The following PSMD11 variants were observed in gnomAD, a reference collection of about 807,000 sequenced individuals.
The protein encoded by PSMD11 is 26S proteasome non-ATPase regulatory subunit 11.
A neutral mutation model predicts 62.3 loss-of-function variants in PSMD11; 5 were observed. The observed-to-expected ratio is 0.08, with a 90% CI of 0.04 to 0.17. The LOEUF (loss-of-function observed/expected upper bound fraction) is 0.17. Among genes scored for constraint, PSMD11 ranks in the 10% least tolerant of loss-of-function variants. The pLI is 1.00. For missense variants in PSMD11, 310 were observed against 512.9 expected, an observed-to-expected ratio of 0.60 and a Z score of 3.82; for synonymous variants, 191 against 191.8, an observed-to-expected ratio of 1.00 and a Z score of 0.03.
chr17:32,446,240 AC>A (rs1292047640), intron 1 of PSMD11, among the ~76,000 whole-genome samples: 1 of 152,238 alleles, frequency 6.6e-6, no homozygotes, highest in African/African-American at 2.4e-5. Context: ...AGTGATGATC[AC>A]TACAAACTTG....
intron 2 of PSMD11, among the ~76,000 whole-genome samples, chr17:32,451,879 C>T (rs1315463705): frequency 6.6e-6 from 1 of 152,044 alleles, no homozygotes; most frequent in Admixed American, 6.6e-5. Flanking sequence ...ACTGGGACTA[C>T]AGGCCTTCAC....
chr17:32,454,679 A>G lies in PSMD11; in HGVS notation c.318+60A>G, dbSNP rs1907599634. 13 of 1,571,046 alleles carry G rather than the reference A, an allele frequency of 8.3e-6. No homozygotes were observed. The South Asian group carries it at 1.5e-4, about 18-fold the overall frequency. ...GGAGAAAAGTTTGTTTCCAAGAAAG[A>G]AATGCCTACCTGCACTTTAGTACTA... On this transcript the variant is annotated intron_variant, in intron 3 of 13. Coordinates refer to ENST00000261712, the MANE Select transcript of PSMD11 (RefSeq NM_002815.4).
intron 3 of PSMD11, among the ~76,000 whole-genome samples, chr17:32,459,914 A>G (rs1907773017): frequency 6.6e-6 from 1 of 152,156 alleles, no homozygotes; most frequent in African/African-American, 2.4e-5. Context: ...GGTGTGAGCC[A>G]CCACACCCGG....
At chr17:32,464,677 A>G (rs768834733) in intron 5 of PSMD11, 99 bp downstream of exon 5, 5 of 892,020 alleles carry the variant, frequency 5.6e-6, no homozygotes, top group Non-Finnish European at 8.3e-6. Flanking sequence ...TTTATATTCT[A>G]CTGACTTCTA....
At chr17:32,477,488 A>C (rs1284021882) in intron 8 of PSMD11, 33 bp from the exon 9 acceptor site, 6 of 1,566,612 alleles carry the variant, frequency 3.8e-6, no homozygotes, top group Non-Finnish European at 5.2e-6. Context: ...GTGCAGAATA[A>C]ATCGCTTTCA....
intron 6 of PSMD11, among the ~76,000 whole-genome samples, chr17:32,473,481 T>C (rs937157175): frequency 1.1e-4 from 17 of 151,994 alleles, no homozygotes; most frequent in Admixed American, 2.6e-4. Context: ...GATTTGTCCA[T>C]GTTGGTCAGT....
At chr17:32,473,989 A>T in intron 7 of PSMD11, 44 bp downstream of exon 7, 1 of 1,606,484 alleles carries the variant, frequency 6.2e-7, no homozygotes, top group Non-Finnish European at 8.5e-7. Context: ...CAGATCCTTC[A>T]GCAAGTCTGT....
intron 6 of PSMD11, among the ~76,000 whole-genome samples, chr17:32,469,854 C>A (rs1180419274): frequency 6.6e-6 from 1 of 151,970 alleles, no homozygotes; most frequent in Non-Finnish European, 1.5e-5. Flanking sequence ...ATCAGGCTTT[C>A]CTAGGTTGAC....
At chr17:32,450,931 G>T (rs895690066) in intron 2 of PSMD11, among the ~76,000 whole-genome samples, 1 of 151,306 alleles carries the variant, frequency 6.6e-6, no homozygotes, top group South Asian at 2.1e-4. Context: ...AGCAGCATGG[G>T]TAACATAAGG....
intron 3 of PSMD11, among the ~76,000 whole-genome samples, chr17:32,463,829 T>TA (rs575287813): frequency 2.2e-3 from 339 of 152,272 alleles, no homozygotes; most frequent in African/African-American, 7.2e-3. Flanking sequence ...GCTCTTTTCC[T>TA]AAAAAACATA....
chr17:32,473,324 TG>T (rs1908225986), intron 6 of PSMD11, among the ~76,000 whole-genome samples: 1 of 150,292 alleles, frequency 6.7e-6, no homozygotes, highest in Non-Finnish European at 1.5e-5. Flanking sequence ...TTGCCCAGGC[TG>T]GAGTGCAGTG....
intron 7 of PSMD11, 118 bp downstream of exon 7, chr17:32,474,063 G>A: frequency 3.2e-6 from 4 of 1,266,844 alleles, no homozygotes; most frequent in Non-Finnish European, 3.3e-6. Flanking sequence ...AGCAGCTGCG[G>A]CCTCTAGGGC....
chr17:32,454,458 G>T, intron 2 of PSMD11, 37 bp from the exon 3 acceptor site: 1 of 1,605,958 alleles, frequency 6.2e-7, no homozygotes, highest in Non-Finnish European at 8.5e-7. Context: ...CTCAAATGTT[G>T]ATGTTTACTC....
chr17:32,470,524 C>G (rs929819242), intron 6 of PSMD11, among the ~76,000 whole-genome samples: 1 of 152,126 alleles, frequency 6.6e-6, no homozygotes, highest in African/African-American at 2.4e-5. Context: ...GTTGGCCAGG[C>G]TGGCTGCACG....
Position 32,480,853 on chromosome 17 carries a change from C to A in PSMD11, c.*101C>A, listed in dbSNP as rs1253716362. The A allele has an allele frequency of 2.1e-6, 1 of 485,704 alleles. No homozygotes were observed. Among genetic ancestry groups the A allele is most frequent in the Non-Finnish European group, 3.5e-6 (1 of 288,782 alleles). 30.1% of individuals were successfully genotyped at this position (485,704 alleles called of 1,614,324 possible). On this transcript the variant is annotated 3_prime_UTR_variant, in exon 14 of 14. Coordinates refer to ENST00000261712, the MANE Select transcript of PSMD11 (RefSeq NM_002815.4). ...TCTTTTTTCTTTTTGTTCTACTTTT[C>A]GCTCGGAAAGTTTTTAAATCCTCAT... is the stretch of plus-strand genomic sequence containing the variant.
chr17:32,447,221 T>A (rs1907357610), intron 2 of PSMD11, 175 bp downstream of exon 2: 1 of 510,456 alleles, frequency 2.0e-6, no homozygotes, highest in South Asian at 2.8e-5. Flanking sequence ...ACTTCTTTCC[T>A]GGTAGTTTAG....
chr17:32,481,039 C>T lies in PSMD11; in HGVS notation c.*287C>T, dbSNP rs1227721758. 6.4e-6 allele frequency: 1 copy of T among 155,236 alleles called. No individual in the cohort carries two copies. The allele number at this position is 155,236 out of a possible 1,614,324, so 9.6% of individuals were successfully genotyped here. A position where few individuals can be genotyped will look rare whatever the true frequency, so the allele number is the denominator to read the frequency against. On this transcript the variant is annotated 3_prime_UTR_variant, in exon 14 of 14. Transcript: ENST00000261712. ...GGCTTACACTACCTAAAGCTGTGCT[C>T]TCTGCCTCCTGGGAGAGGGCCGCAA...
chr17:32,476,733 CTG>C (rs2150839810), intron 8 of PSMD11: 1 of 152,172 alleles, frequency 6.6e-6, no homozygotes, highest in Non-Finnish European at 1.5e-5. Context: ...CTTCATCACT[CTG>C]TGGGGTCTTA....
intron 3 of PSMD11, among the ~76,000 whole-genome samples, chr17:32,457,398 C>T (rs761121105): frequency 2.0e-5 from 3 of 151,896 alleles, no homozygotes; most frequent in Admixed American, 6.6e-5. Context: ...CCACCACACT[C>T]GGCTAATTTT....
Sources: allele counts gnomAD v4.1 joint callset (sites outside exome capture counted in the v4.1 genomes callset), GRCh38; gene constraint gnomAD v4.1.1; transcripts MANE v1.5; gene names NCBI Gene and HGNC (gene_info 2026-07-23, HGNC 2026-07-21).